Variants in SRBD1 observed in about 807,000 individuals in gnomAD.
The protein encoded by SRBD1 is S1 RNA binding domain 1.
A neutral mutation model predicts 115.3 loss-of-function variants in SRBD1; 88 were observed. That is an observed-to-expected ratio of 0.76 (90% confidence interval 0.64 to 0.91). The LOEUF is 0.91. Ranked by LOEUF, SRBD1 falls within the 40% of genes least tolerant of loss-of-function variation. SRBD1 has a pLI of 0.00. For synonymous variants in SRBD1, 509 were observed against 407.7 expected (o/e 1.25, Z -2.99); for missense variants, 1,385 against 1,177.4 (o/e 1.18, Z -2.58).
intron 14 of SRBD1, among the ~76,000 whole-genome samples, chr2:45,521,538 T>G (rs1489822055): frequency 6.6e-6 from 1 of 152,078 alleles, no homozygotes; most frequent in African/African-American, 2.4e-5. Flanking sequence ...ACTGGACCCC[T>G]CATGCATTGC....
At chr2:45,549,039 G>A (rs1036398302) in intron 12 of SRBD1, 1 of 152,208 alleles carries the variant, frequency 6.6e-6, no homozygotes, top group Non-Finnish European at 1.5e-5. Context: ...CTGAAACTGA[G>A]AGAGATTCAG....
At position 45,506,600 on chromosome 2, in the gene SRBD1, T is replaced by C. The variant is rs114501065; in HGVS notation, c.1875-18269A>G. On this transcript the variant is annotated intron_variant, in intron 14 of 20. Transcript: ENST00000263736. ...TCAGCCCAGGGGAGCCTATATTATC[T>C]TGCCTTGTCATCAGCTAGCAAGTAC... 7.1e-3 allele frequency among the ~76,000 whole-genome samples: 1,074 copies of C among 152,300 alleles called. 15 individuals are homozygous for C. The highest frequency in any genetic ancestry group is 0.024 in the African/African-American group (1,014 of 41,572).
At chr2:45,413,867 G>A (rs755497470) in intron 18 of SRBD1, among the ~76,000 whole-genome samples, 7 of 152,148 alleles carry the variant, frequency 4.6e-5, no homozygotes, top group Admixed American at 2.6e-4. Context: ...GGCAGGCGGC[G>A]GTTGCAGTGA....
intron 16 of SRBD1, among the ~76,000 whole-genome samples, chr2:45,450,113 G>C (rs777644679): frequency 1.3e-5 from 2 of 152,104 alleles, no homozygotes; most frequent in African/African-American, 4.8e-5. Context: ...GGAGGCCTAC[G>C]ATACTAAATT....
At chr2:45,606,412 G>A (rs1454016915) in intron 1 of SRBD1, among the ~76,000 whole-genome samples, 4 of 151,862 alleles carry the variant, frequency 2.6e-5, no homozygotes, top group East Asian at 1.9e-4. Context: ...CGCCCACCTC[G>A]GCCTCCCAAA....
intron 14 of SRBD1, among the ~76,000 whole-genome samples, chr2:45,508,380 C>T (rs977399393): frequency 6.6e-5 from 10 of 152,156 alleles, no homozygotes; most frequent in Admixed American, 2.6e-4. Flanking sequence ...TACACAATGG[C>T]TGAAGAAACT....
intron 15 of SRBD1, among the ~76,000 whole-genome samples, chr2:45,477,850 T>C (rs1669849715): frequency 6.6e-6 from 1 of 152,306 alleles, no homozygotes; most frequent in Admixed American, 6.5e-5. Flanking sequence ...TAACACACCA[T>C]AGTTCTAATT....
At chr2:45,402,801 C>T (rs1381957404) in intron 19 of SRBD1, among the ~76,000 whole-genome samples, 2 of 152,110 alleles carry the variant, frequency 1.3e-5, no homozygotes, top group African/African-American at 2.4e-5. Context: ...GTGGCACATA[C>T]AAATCAGCAT....
intron 14 of SRBD1, among the ~76,000 whole-genome samples, chr2:45,507,856 C>G (rs763920383): frequency 5.9e-5 from 9 of 152,184 alleles, no homozygotes; most frequent in Admixed American, 1.3e-4. Flanking sequence ...AATTGTTGGG[C>G]CTAATTTTTG....
intron 6 of SRBD1, 59 bp downstream of exon 6, chr2:45,581,631 TAAG>T (rs1673367248): frequency 3.1e-6 from 4 of 1,278,798 alleles, no homozygotes; most frequent in South Asian, 2.6e-5. Flanking sequence ...TCTTTAATCA[TAAG>T]AAGACCCAAA....
intron 7 of SRBD1, among the ~76,000 whole-genome samples, chr2:45,576,173 G>C (rs1572797104): frequency 6.6e-6 from 1 of 152,046 alleles, no homozygotes; most frequent in South Asian, 2.1e-4. Flanking sequence ...TGATGATGAG[G>C]ATGAAGACCT....
chr2:45,429,004 G>T (rs1318173155), intron 16 of SRBD1, among the ~76,000 whole-genome samples: 1 of 152,142 alleles, frequency 6.6e-6, no homozygotes, highest in Admixed American at 6.5e-5. Flanking sequence ...TATCATCAGA[G>T]AATACTATAA....
chr2:45,589,046 G>A (rs1360545182), intron 4 of SRBD1, among the ~76,000 whole-genome samples: 1 of 152,078 alleles, frequency 6.6e-6, no homozygotes, highest in Admixed American at 6.6e-5. Context: ...CCCCCCTCAA[G>A]CTCTGTTTCC....
chr2:45,535,879 A>G (rs893651419), intron 14 of SRBD1, among the ~76,000 whole-genome samples: 5 of 151,936 alleles, frequency 3.3e-5, no homozygotes, highest in African/African-American at 1.2e-4. Context: ...TATGCTATAC[A>G]TGGGGGGAAG....
chr2:45,599,870 A>G, intron 3 of SRBD1, 35 bp from the exon 4 acceptor site: 1 of 1,561,794 alleles, frequency 6.4e-7, no homozygotes, highest in Non-Finnish European at 8.6e-7. Context: ...TGAGAATTAG[A>G]AGATAAAAAG....
At chr2:45,498,678 T>C (rs1670534225) in intron 14 of SRBD1, among the ~76,000 whole-genome samples, 1 of 152,134 alleles carries the variant, frequency 6.6e-6, no homozygotes, top group Non-Finnish European at 1.5e-5. Flanking sequence ...CTCTGGTAAC[T>C]ACCATTCTAC....
chr2:45,504,368 C>T (rs1343040909), intron 14 of SRBD1, among the ~76,000 whole-genome samples: 1 of 152,002 alleles, frequency 6.6e-6, no homozygotes, highest in Non-Finnish European at 1.5e-5. Flanking sequence ...TTTTTTCATC[C>T]AAATTCTTTA....
At chr2:45,421,920 T>C (rs1668019495) in intron 16 of SRBD1, among the ~76,000 whole-genome samples, 1 of 152,184 alleles carries the variant, frequency 6.6e-6, no homozygotes, top group African/African-American at 2.4e-5. Flanking sequence ...AAAAAGATCG[T>C]AAAGTAAAAC....
At chr2:45,531,686 G>A (rs1671616322) in intron 14 of SRBD1, among the ~76,000 whole-genome samples, 1 of 129,930 alleles carries the variant, frequency 7.7e-6, no homozygotes, top group Non-Finnish European at 1.6e-5. Flanking sequence ...TCAAAACTTA[G>A]CTGTAAGAAG....
Sources: gnomAD v4.1 joint callset for allele counts (sites outside exome capture counted in the v4.1 genomes callset) on GRCh38, gnomAD v4.1.1 for gene constraint, MANE v1.5 for transcripts, NCBI Gene and HGNC (gene_info 2026-07-23, HGNC 2026-07-21) for gene names.